Variants in DIAPH2 observed in about 807,000 individuals in gnomAD.
The protein encoded by DIAPH2 is diaphanous related formin 2.
In DIAPH2, 35 loss-of-function variants were observed where a neutral mutation model predicts 92.7. That is an observed-to-expected ratio of 0.38 (90% CI 0.29 to 0.50). The LOEUF is 0.50. Among genes scored for constraint, DIAPH2 ranks in the 20% least tolerant of loss-of-function variants. The pLI, the probability that DIAPH2 is intolerant of heterozygous loss-of-function variation, is 0.94. For synonymous variants in DIAPH2, 301 were observed against 280.4 expected (o/e 1.07, Z -0.73); for missense variants, 701 against 819.5 (o/e 0.86, Z 1.77).
chrX:96,868,946 G>A (rs1475358453), intron 4 of DIAPH2, among the ~76,000 whole-genome samples: 3 of 111,814 alleles, frequency 2.7e-5, no homozygotes, highest in Non-Finnish European at 5.6e-5. Flanking sequence ...AAAATTTTAT[G>A]CTTTAAAGAA....
intron 19 of DIAPH2, among the ~76,000 whole-genome samples, chrX:97,094,519 G>C (rs1294144726): frequency 1.8e-5 from 2 of 112,000 alleles, no homozygotes; most frequent in Non-Finnish European, 3.8e-5. Flanking sequence ...TTGAGGGATT[G>C]AAATGCTCCA....
chrX:96,927,519 T>C (rs936954283), intron 9 of DIAPH2, among the ~76,000 whole-genome samples: 7 of 111,396 alleles, frequency 6.3e-5, no homozygotes, highest in African/African-American at 2.3e-4. Flanking sequence ...CTTTCTCCCA[T>C]GTTCTATATC....
At position 97,103,668 on chromosome X, in the gene DIAPH2, C is replaced by G. The variant is rs771452710; in HGVS notation, c.2349+3873C>G. On this transcript the variant is annotated intron_variant, in intron 20 of 26. Transcript: ENST00000324765. ...CTTTTGCCCTTCTCCAAATCCGTCT[C>G]GGCACAACCCTTAGTAGGATGTTTC... 6.3e-5 allele frequency among the ~76,000 whole-genome samples: 7 copies of G among 111,810 alleles called. No individual in the cohort carries two copies. The East Asian group carries it at 1.1e-3, about 18-fold the overall frequency.
intron 21 of DIAPH2, among the ~76,000 whole-genome samples, chrX:97,127,978 G>A (rs1479652488): frequency 9.0e-5 from 10 of 111,286 alleles, no homozygotes; most frequent in Middle Eastern, 4.7e-3. Context: ...ACTACACTCC[G>A]CCTCAGAGAC....
At chrX:96,885,151 A>G (rs1324104178) in intron 5 of DIAPH2, 13 of 1,044,667 alleles carry the variant, frequency 1.2e-5, no homozygotes, top group Non-Finnish European at 1.7e-5. Flanking sequence ...GCTGTGAGTA[A>G]TTTTGACCTG....
chrX:96,756,776 A>G (rs1289621570), intron 3 of DIAPH2, among the ~76,000 whole-genome samples: 5 of 110,952 alleles, frequency 4.5e-5, no homozygotes, highest in Non-Finnish European at 7.5e-5. Context: ...CGTTGCCAAC[A>G]TTTATTATTT....
chrX:97,188,450 G>A (rs1419427931), intron 22 of DIAPH2, among the ~76,000 whole-genome samples: 4 of 111,963 alleles, frequency 3.6e-5, no homozygotes, highest in Non-Finnish European at 7.5e-5. Context: ...CGTCCAATAC[G>A]AATAGTCATG....
intron 17 of DIAPH2, among the ~76,000 whole-genome samples, chrX:97,040,429 C>T (rs2066440835): frequency 9.0e-6 from 1 of 110,520 alleles, no homozygotes; most frequent in South Asian, 3.9e-4. Context: ...GGTGGTTTAT[C>T]TTTTCCAGTG....
intron 26 of DIAPH2, among the ~76,000 whole-genome samples, chrX:97,539,124 T>G (rs1199238995): frequency 8.9e-6 from 1 of 111,846 alleles, no homozygotes; most frequent in Non-Finnish European, 1.9e-5. Flanking sequence ...ATTAAATAGC[T>G]TTCTATATAG....
At chrX:97,386,205 G>A (rs2069598265) in intron 25 of DIAPH2, among the ~76,000 whole-genome samples, 1 of 112,152 alleles carries the variant, frequency 8.9e-6, no homozygotes, top group Non-Finnish European at 1.9e-5. Context: ...GTAAAAAGCT[G>A]TGTTAAAATA....
chrX:96,937,370 C>T lies in DIAPH2; in HGVS notation c.1208+19C>T. On this transcript the variant is annotated intron_variant, in intron 11 of 26. Transcript: ENST00000324765. ...AAATGGAATATCCTTTGACAAACCA[C>T]AAAACAATTTTGTTTGCATTGTGAG... 3 of 1,012,421 alleles carry T rather than the reference C, an allele frequency of 3.0e-6. No homozygotes were observed. Among genetic ancestry groups the T allele is most frequent in the Non-Finnish European group, 4.0e-6 (3 of 750,826 alleles). 83.4% of individuals were successfully genotyped at this position (1,012,421 alleles called of 1,213,427 possible). A position where few individuals can be genotyped will look rare whatever the true frequency, so the allele number is the denominator to read the frequency against.
At position 97,473,056 on chromosome X, in the gene DIAPH2, CAT is replaced by C. The variant is rs1222894541; in HGVS notation, c.3241+43313_3241+43314del. Among the ~76,000 whole-genome samples the C allele has an allele frequency of 2.7e-5, 3 of 112,345 alleles. No homozygotes were observed. In the East Asian group the frequency reaches 8.4e-4, roughly 31 times the overall value. Reference sequence around the variant, plus strand: ...GTCCTGTTCTAACTATTCCAGATCTCATAGAGTCATGTCCTCCTCATGCCTTG... The same window carrying C: ...GTCCTGTTCTAACTATTCCAGATCTCAGAGTCATGTCCTCCTCATGCCTTG... On this transcript the variant is annotated intron_variant, in intron 26 of 26. Transcript: ENST00000324765.
At chrX:96,754,267 A>G (rs1352267037) in intron 3 of DIAPH2, among the ~76,000 whole-genome samples, 1 of 111,966 alleles carries the variant, frequency 8.9e-6, no homozygotes, top group Non-Finnish European at 1.9e-5. Flanking sequence ...AATCTGATAC[A>G]TGCCTCAGTT....
intron 23 of DIAPH2, among the ~76,000 whole-genome samples, chrX:97,294,674 T>C (rs1660416838): frequency 8.9e-6 from 1 of 111,917 alleles, no homozygotes; most frequent in African/African-American, 3.2e-5. Context: ...TTGAAGCTAT[T>C]TGTTATACAC....
intron 22 of DIAPH2, among the ~76,000 whole-genome samples, chrX:97,145,435 T>C (rs966726866): frequency 9.1e-6 from 1 of 110,099 alleles, no homozygotes; most frequent in Admixed American, 9.7e-5. Flanking sequence ...TCTCAGTAAG[T>C]ATGTATTATA....
At chrX:96,780,349 A>G (rs1331320757) in intron 4 of DIAPH2, among the ~76,000 whole-genome samples, 2 of 112,527 alleles carry the variant, frequency 1.8e-5, no homozygotes, top group Admixed American at 9.4e-5. Flanking sequence ...ATCTTACAGA[A>G]AATGTCCATT....
At position 96,717,816 on chromosome X, in the gene DIAPH2, GTATATATATATATATATATA is replaced by G. The variant is rs61272505; in HGVS notation, c.133-17918_133-17899del. 2.8e-3 allele frequency among the ~76,000 whole-genome samples: 101 copies of G among 36,378 alleles called. 1 individual carries two copies. The highest frequency in any genetic ancestry group is 6.1e-3 in the African/African-American group (71 of 11,704). The allele number at this position is 36,378 out of a possible 115,157, so 31.6% of individuals were successfully genotyped here. ...GTTTTTTAATTTTTGTGGGTATATA[GTATATATATATATATATATA>G]TATATATATATATATATATATATTC... is the stretch of plus-strand genomic sequence containing the variant. On this transcript the variant is annotated intron_variant, in intron 1 of 26. Transcript: ENST00000324765.
At chrX:96,828,804 C>T (rs2064831542) in intron 4 of DIAPH2, among the ~76,000 whole-genome samples, 1 of 111,655 alleles carries the variant, frequency 9.0e-6, no homozygotes, top group Non-Finnish European at 1.9e-5. Context: ...TACAAATATG[C>T]ATCATTTGAT....
chrX:97,543,646 A>G (rs1370379039), intron 26 of DIAPH2, among the ~76,000 whole-genome samples: 1 of 110,321 alleles, frequency 9.1e-6, no homozygotes, highest in Admixed American at 9.6e-5. Flanking sequence ...CTGGGATTAC[A>G]GGTGTGCACC....
Sources: allele counts gnomAD v4.1 joint callset (sites outside exome capture counted in the v4.1 genomes callset), GRCh38; gene constraint gnomAD v4.1.1; transcripts MANE v1.5; gene names NCBI Gene and HGNC (gene_info 2026-07-23, HGNC 2026-07-21).